CCDC144A: variants seen among roughly 807,000 people sequenced by gnomAD.
CCDC144A encodes the protein coiled-coil domain-containing protein 144A.
Under a neutral mutation model 143.8 loss-of-function variants are expected in CCDC144A, and 41 were observed. The ratio of observed to expected loss-of-function variants is 0.29; its 90% CI spans 0.22 to 0.37. The LOEUF is 0.37. Among genes scored for constraint, CCDC144A ranks in the 10% least tolerant of loss-of-function variants. The pLI, the probability that CCDC144A is intolerant of heterozygous loss-of-function variation, is 1.00. For synonymous variants in CCDC144A, 242 were observed against 517.9 expected, an observed-to-expected ratio of 0.47 and a Z score of 7.23; for missense variants, 637 against 1,488.8, an observed-to-expected ratio of 0.43 and a Z score of 9.41.
At chr17:16,705,574 A>G in intron 3 of CCDC144A, 175 bp downstream of exon 3, 2 of 614,920 alleles carry the variant, frequency 3.3e-6, no homozygotes, top group Non-Finnish European at 5.9e-6. Context: ...TAACCAAAGC[A>G]ACATCTAGAT....
At chr17:16,749,821 G>A (rs1914704787) in intron 12 of CCDC144A, among the ~76,000 whole-genome samples, 1 of 152,188 alleles carries the variant, frequency 6.6e-6, no homozygotes, top group Non-Finnish European at 1.5e-5. Context: ...TTGGCGAAGT[G>A]AATCCTTTAT....
upstream of CCDC144A, among the ~76,000 whole-genome samples, chr17:16,689,151 T>C (rs1223072953): frequency 3.9e-5 from 6 of 152,070 alleles, no homozygotes; most frequent in African/African-American, 1.4e-4. Flanking sequence ...TTTCTTCCTT[T>C]CTTCCTTCCT....
chr17:16,715,843 G>C (rs1446222508), intron 6 of CCDC144A, among the ~76,000 whole-genome samples: 1 of 152,160 alleles, frequency 6.6e-6, no homozygotes, highest in Non-Finnish European at 1.5e-5. Context: ...GGCTGCTGTG[G>C]GTTGGTTAAC....
chr17:16,746,074 G>T (rs1219849413), intron 12 of CCDC144A: 1 of 1,607,948 alleles, frequency 6.2e-7, no homozygotes, highest in East Asian at 2.2e-5. Context: ...GGCTCCTTCA[G>T]CGAGCCTTCC....
chr17:16,761,209 G>A (rs1915345363), intron 12 of CCDC144A, among the ~76,000 whole-genome samples: 1 of 151,952 alleles, frequency 6.6e-6, no homozygotes, highest in African/African-American at 2.4e-5. Context: ...GTGGTGGTGG[G>A]CACCTGTAGT....
In CCDC144A at chr17:16,762,319, G is replaced by C. The variant is rs760955390; in HGVS notation, c.3673G>C (p.Ala1225Pro). 18 of 1,594,540 alleles carry C rather than the reference G, an allele frequency of 1.1e-5. No homozygotes were observed. The highest frequency in any genetic ancestry group is 1.5e-5 in the Non-Finnish European group (17 of 1,171,402). The change falls in exon 14 of 17, where the codon GCA (alanine) becomes CCA (proline). Residue 1225 changes from alanine to proline, a missense_variant. By Grantham distance (27) the Ala-to-Pro change is conservative (BLOSUM62 -1). Coordinates refer to ENST00000399273, the MANE Select transcript of CCDC144A (RefSeq NM_001382000.1). ...NEAILTLQKQ[A>P]AVSHEQLVQL... ...CCCTTTTAATTTATTTTAGAAACAA[G>C]CAGCAGTATCTCATGAACAGTTAGT...
chr17:16,746,030 C>T, intron 12 of CCDC144A: 1 of 1,611,810 alleles, frequency 6.2e-7, no homozygotes, highest in Non-Finnish European at 8.5e-7. Context: ...CATCCCTGTG[C>T]TCTTTATCAC....
chr17:16,670,009 C>T, the CCDC144A span, among the ~76,000 whole-genome samples: 2 of 151,914 alleles, frequency 1.3e-5, no homozygotes, highest in African/African-American at 2.4e-5. Context: ...GGTGAAATTC[C>T]GTTTCTACTA....
chr17:16,702,213 T>A (rs2928643), intron 2 of CCDC144A, among the ~76,000 whole-genome samples: 9 of 152,210 alleles, frequency 5.9e-5, no homozygotes, highest in African/African-American at 2.2e-4. Context: ...TATATTTTTC[T>A]TACCAGGTAG....
intron 2 of CCDC144A, among the ~76,000 whole-genome samples, chr17:16,696,036 A>G (rs1911378609): frequency 6.6e-6 from 1 of 152,026 alleles, no homozygotes; most frequent in African/African-American, 2.4e-5. Context: ...TTTTTTTGAG[A>G]CAAAGTCTCA....
intron 11 of CCDC144A, among the ~76,000 whole-genome samples, 173 bp downstream of exon 11, chr17:16,732,839 A>G (rs534804971): frequency 5.3e-5 from 8 of 151,196 alleles, no homozygotes; most frequent in Admixed American, 2.6e-4. Context: ...GGCTCATTGA[A>G]TAAAGTCATG....
At chr17:16,673,211 A>G in the CCDC144A span, among the ~76,000 whole-genome samples, 1 of 151,796 alleles carries the variant, frequency 6.6e-6, no homozygotes, top group African/African-American at 2.4e-5. Context: ...ACACCACCAC[A>G]TACTAGGGCT....
At chr17:16,747,180 A>G (rs1481896771) in intron 12 of CCDC144A, among the ~76,000 whole-genome samples, 3 of 151,892 alleles carry the variant, frequency 2.0e-5, no homozygotes, top group Admixed American at 2.0e-4. Context: ...TCCCCATTGC[A>G]TATTTGTGTC....
chr17:16,757,541 CA>C lies in CCDC144A; in HGVS notation c.3373-3883del, dbSNP rs1205184954. 2.0e-5 allele frequency among the ~76,000 whole-genome samples: 3 copies of C among 152,342 alleles called. No individual in the cohort carries two copies. In the East Asian group the frequency reaches 5.8e-4, roughly 29 times the overall value. ...CAGGGTCCTGGACAGTGTATGTGAG[CA>C]CTGATAGCAACAATAGCAGCAGCAA... On this transcript the variant is annotated intron_variant, in intron 12 of 16. Coordinates refer to ENST00000399273, the MANE Select transcript of CCDC144A (RefSeq NM_001382000.1).
chr17:16,746,567 T>G (rs1374412849), intron 12 of CCDC144A: 2 of 1,613,698 alleles, frequency 1.2e-6, no homozygotes, highest in Admixed American at 1.7e-5. Context: ...AAGGAAGATA[T>G]ATCCATCAAA....
intron 12 of CCDC144A, among the ~76,000 whole-genome samples, chr17:16,753,847 C>G (rs1228089595): frequency 2.0e-5 from 3 of 152,180 alleles, no homozygotes; most frequent in Non-Finnish European, 4.4e-5. Context: ...TGGGTTTGGC[C>G]TTAGAGTAAT....
the CCDC144A span, among the ~76,000 whole-genome samples, chr17:16,674,380 G>C: frequency 6.6e-6 from 1 of 152,076 alleles, no homozygotes; most frequent in African/African-American, 2.4e-5. Context: ...GAGGCTAACA[G>C]ATGATAAATA....
intron 12 of CCDC144A, among the ~76,000 whole-genome samples, chr17:16,753,024 T>TGG (rs1239552566): frequency 8.6e-6 from 1 of 116,952 alleles, no homozygotes; most frequent in Non-Finnish European, 1.8e-5. Context: ...GGTGGGAGTG[T>TGG]GGTGCTGCAC....
At chr17:16,699,488 G>T (rs1376441409) in intron 2 of CCDC144A, among the ~76,000 whole-genome samples, 1 of 78,172 alleles carries the variant, frequency 1.3e-5, no homozygotes, top group African/African-American at 5.4e-5. Flanking sequence ...CCATTCTCCT[G>T]CCTCAGCCTC....
Sources: gnomAD v4.1 joint callset for allele counts (sites outside exome capture counted in the v4.1 genomes callset) on GRCh38, gnomAD v4.1.1 for gene constraint, MANE v1.5 for transcripts, NCBI Gene and HGNC (gene_info 2026-07-23, HGNC 2026-07-21) for gene names.